Variants in CACNA1E observed in about 807,000 individuals in gnomAD.
CACNA1E encodes calcium voltage-gated channel subunit alpha1 E.
A neutral mutation model predicts 259.2 loss-of-function variants in CACNA1E; 40 were observed. The ratio of observed to expected loss-of-function variants is 0.15; its 90% confidence interval spans 0.12 to 0.20. The LOEUF (loss-of-function observed/expected upper bound fraction) is 0.20, where lower values mean the gene tolerates loss of function less well. CACNA1E is among the 10% of genes least tolerant of loss of function. The pLI is 1.00. For synonymous variants in CACNA1E, 1,104 were observed against 1,138.5 expected (o/e 0.97, Z 0.61); for missense variants, 1,874 against 3,040.1 (o/e 0.62, Z 9.02).
At chr1:181,507,911 G>C (rs1300963685) in intron 1 of CACNA1E, among the ~76,000 whole-genome samples, 1 of 152,124 alleles carries the variant, frequency 6.6e-6, no homozygotes, top group Non-Finnish European at 1.5e-5. Flanking sequence ...CCACACTGTT[G>C]TGAACACTTT....
At position 181,552,884 on chromosome 1, in the gene CACNA1E, G is replaced by C. The variant is rs570252229; in HGVS notation, c.513-24882G>C. 1.4e-3 allele frequency among the ~76,000 whole-genome samples: 219 copies of C among 152,242 alleles called. 1 individual carries two copies. Among genetic ancestry groups the C allele is most frequent in the African/African-American group, 5.0e-3 (206 of 41,526 alleles). On this transcript the variant is annotated intron_variant, in intron 3 of 47. Coordinates refer to ENST00000367573, the MANE Select transcript of CACNA1E (RefSeq NM_001205293.3). ...ATCTGTTTCGATACCCAGTACCATG[G>C]TGTTTCGGTTACTGTAGCCTTGTAG...
chr1:181,752,801 C>G (rs1468125752), intron 27 of CACNA1E, among the ~76,000 whole-genome samples: 1 of 152,220 alleles, frequency 6.6e-6, no homozygotes, highest in African/African-American at 2.4e-5. Flanking sequence ...TTAAGTTCTT[C>G]CTATTGCCAG....
chr1:181,619,185 C>T (rs745636283), intron 6 of CACNA1E, among the ~76,000 whole-genome samples: 15 of 134,664 alleles, frequency 1.1e-4, no homozygotes, highest in Admixed American at 2.9e-4. Flanking sequence ...TACAAGGGGA[C>T]GGGGTCGGTT....
intron 6 of CACNA1E, among the ~76,000 whole-genome samples, chr1:181,615,383 T>G (rs1290739699): frequency 2.0e-5 from 3 of 152,148 alleles, no homozygotes; most frequent in East Asian, 3.9e-4. Context: ...CGAGATGTGG[T>G]TTCACCATCT....
At chr1:181,416,545 C>G (rs1391618372) in intron 2 of CACNA1E, among the ~76,000 whole-genome samples, 6 of 152,184 alleles carry the variant, frequency 3.9e-5, no homozygotes, top group Non-Finnish European at 8.8e-5. Context: ...TCATCATCAG[C>G]AAAGTCCTGT....
At chr1:181,401,859 A>G (rs954130894) in intron 1 of CACNA1E, among the ~76,000 whole-genome samples, 1 of 152,228 alleles carries the variant, frequency 6.6e-6, no homozygotes, top group South Asian at 2.1e-4. Context: ...TCTTGGAATT[A>G]CTGCCTGGCT....
intron 2 of CACNA1E, among the ~76,000 whole-genome samples, chr1:181,453,622 T>G (rs1661287778): frequency 6.6e-6 from 1 of 152,310 alleles, no homozygotes; most frequent in East Asian, 1.9e-4. Flanking sequence ...GCTAAGTAAC[T>G]TCTCTTTTAT....
intron 46 of CACNA1E, 120 bp from the exon 47 acceptor site, chr1:181,796,548 A>T: frequency 1.6e-6 from 1 of 644,014 alleles, no homozygotes; most frequent in Admixed American, 3.3e-5. Context: ...GGACACAAAC[A>T]TGTGGTTCCT....
At chr1:181,421,522 C>T (rs901295121) in intron 2 of CACNA1E, among the ~76,000 whole-genome samples, 1 of 152,166 alleles carries the variant, frequency 6.6e-6, no homozygotes, top group Non-Finnish European at 1.5e-5. Context: ...GCTTGTCTGG[C>T]ATCTCTGCAC....
intron 7 of CACNA1E, among the ~76,000 whole-genome samples, chr1:181,656,428 TA>T (rs1325655427): frequency 2.0e-5 from 3 of 151,920 alleles, no homozygotes; most frequent in African/African-American, 4.8e-5. Flanking sequence ...AAAGTAAGAA[TA>T]AAAAAAGCTT....
intron 3 of CACNA1E, among the ~76,000 whole-genome samples, chr1:181,547,153 C>T (rs759831261): frequency 6.6e-6 from 1 of 152,184 alleles, no homozygotes; most frequent in African/African-American, 2.4e-5. Flanking sequence ...CCCATTGCCC[C>T]CTCTGCCCTG....
intron 3 of CACNA1E, among the ~76,000 whole-genome samples, chr1:181,528,455 A>G (rs1667528496): frequency 6.6e-6 from 1 of 152,234 alleles, no homozygotes; most frequent in Admixed American, 6.5e-5. Flanking sequence ...GTGTTGCTGA[A>G]AAGATACCTG....
chr1:181,533,779 C>A (rs778857402), intron 3 of CACNA1E, among the ~76,000 whole-genome samples: 2 of 151,896 alleles, frequency 1.3e-5, no homozygotes, highest in Non-Finnish European at 2.9e-5. Context: ...TTATGACTTG[C>A]GCATCTTTGT....
intron 7 of CACNA1E, among the ~76,000 whole-genome samples, chr1:181,672,272 A>G (rs777701884): frequency 6.6e-6 from 1 of 152,196 alleles, no homozygotes; most frequent in Non-Finnish European, 1.5e-5. Flanking sequence ...AGCAAAAAAC[A>G]TAACTATTGG....
chr1:181,657,210 C>T (rs199949), intron 7 of CACNA1E, among the ~76,000 whole-genome samples: 30,735 of 151,872 alleles, frequency 0.2, 3,542 homozygotes, highest in Middle Eastern at 0.31. Context: ...TTGCTGATGC[C>T]GAATTTTGAT....
At position 181,756,565 on chromosome 1, in the gene CACNA1E, G is replaced by A. The variant is rs74127850; in HGVS notation, c.4128-360G>A. Among the ~76,000 whole-genome samples, 643 of 152,306 alleles carry A rather than the reference G, an allele frequency of 4.2e-3. 6 individuals carry two copies. Among genetic ancestry groups the A allele is most frequent in the African/African-American group, 0.015 (614 of 41,576 alleles). On this transcript the variant is annotated intron_variant, in intron 29 of 47. Transcript: ENST00000367573. Reference sequence around the variant, plus strand: ...GGTCTTATGCTGCCCGTAGTTGAAAGCTAATTTCTCAGAGACTTAGCAATG... The same window carrying A: ...GGTCTTATGCTGCCCGTAGTTGAAAACTAATTTCTCAGAGACTTAGCAATG...
chr1:181,791,865 G>A (rs1190584626), intron 44 of CACNA1E, among the ~76,000 whole-genome samples: 1 of 152,208 alleles, frequency 6.6e-6, no homozygotes, highest in Non-Finnish European at 1.5e-5. Context: ...TGAATGATGT[G>A]TGATGGAATG....
chr1:181,726,639 A>G (rs1400231455), intron 18 of CACNA1E, among the ~76,000 whole-genome samples: 1 of 152,220 alleles, frequency 6.6e-6, no homozygotes, highest in Non-Finnish European at 1.5e-5. Flanking sequence ...CTTAAAGTCC[A>G]GGTGGAAGAG....
intron 10 of CACNA1E, 38 bp from the exon 11 acceptor site, chr1:181,717,055 A>G (rs1369159264): frequency 1.3e-6 from 2 of 1,568,210 alleles, no homozygotes; most frequent in African/African-American, 2.7e-5. Flanking sequence ...ACCACAGGAT[A>G]TTTTGCAGTC....
Sources: gnomAD v4.1 joint callset for allele counts (sites outside exome capture counted in the v4.1 genomes callset) on GRCh38, gnomAD v4.1.1 for gene constraint, MANE v1.5 for transcripts, NCBI Gene and HGNC (gene_info 2026-07-23, HGNC 2026-07-21) for gene names.